Variants in RPRD1A observed in about 807,000 individuals in gnomAD.
RPRD1A encodes regulation of nuclear pre-mRNA domain containing 1A.
Under a neutral mutation model 37.8 loss-of-function variants are expected in RPRD1A, and 9 were observed. The observed-to-expected ratio is 0.24, with a 90% confidence interval of 0.14 to 0.42. RPRD1A has a LOEUF of 0.42. RPRD1A is among the 10% of genes least tolerant of loss of function. RPRD1A has a pLI of 1.00. For missense variants in RPRD1A, 255 were observed against 371.0 expected (o/e 0.69, Z 2.57); for synonymous variants, 138 against 139.7 (o/e 0.99, Z 0.08).
intron 1 of RPRD1A, among the ~76,000 whole-genome samples, chr18:36,042,346 G>A (rs1029977833): frequency 6.6e-6 from 1 of 152,184 alleles, no homozygotes; most frequent in African/African-American, 2.4e-5. Context: ...AGCAATGACT[G>A]TCAAATCTAC....
intron 1 of RPRD1A, among the ~76,000 whole-genome samples, chr18:36,057,727 A>G (rs899775337): frequency 3.3e-5 from 5 of 152,266 alleles, no homozygotes; most frequent in African/African-American, 9.6e-5. Flanking sequence ...GCTGTTCTAC[A>G]TAACACCACA....
intron 1 of RPRD1A, among the ~76,000 whole-genome samples, chr18:36,049,651 T>C (rs749072128): frequency 8.0e-4 from 122 of 152,350 alleles, no homozygotes; most frequent in Non-Finnish European, 1.1e-3. Context: ...ATATCCTTTC[T>C]TTTTAAGGCT....
At chr18:36,009,867 T>A (rs1346956142) in intron 6 of RPRD1A, among the ~76,000 whole-genome samples, 1 of 152,204 alleles carries the variant, frequency 6.6e-6, no homozygotes, top group Non-Finnish European at 1.5e-5. Flanking sequence ...GGTGGCTGCC[T>A]AGTGAACAGT....
At chr18:36,012,938 T>C (rs1052246751) in intron 6 of RPRD1A, among the ~76,000 whole-genome samples, 21 of 152,232 alleles carry the variant, frequency 1.4e-4, no homozygotes, top group African/African-American at 2.4e-4. Flanking sequence ...GTGAATATTT[T>C]AGTCATCACT....
intron 1 of RPRD1A, among the ~76,000 whole-genome samples, chr18:36,061,334 G>A (rs536938179): frequency 4.9e-4 from 74 of 152,148 alleles, no homozygotes; most frequent in Non-Finnish European, 7.8e-4. Context: ...TACAGGGTGA[G>A]TAAACATACT....
chr18:36,047,065 TA>T (rs1276738047), intron 1 of RPRD1A, among the ~76,000 whole-genome samples: 1 of 151,328 alleles, frequency 6.6e-6, no homozygotes, highest in Non-Finnish European at 1.5e-5. Context: ...AAATAAAAAT[TA>T]AAAAATTAGA....
intron 1 of RPRD1A, chr18:36,064,243 G>A (rs2088973530): frequency 6.6e-6 from 1 of 152,526 alleles, no homozygotes; most frequent in Non-Finnish European, 1.5e-5. Flanking sequence ...TCAGGGAGGT[G>A]TAGAGAGAGA....
chr18:36,028,784 T>C (rs1911558112), intron 4 of RPRD1A, among the ~76,000 whole-genome samples: 1 of 152,152 alleles, frequency 6.6e-6, no homozygotes. Context: ...ACCACAAAGC[T>C]GAACCATTGA....
chr18:35,995,609 T>C (rs1909002626), intron 6 of RPRD1A, among the ~76,000 whole-genome samples: 1 of 152,158 alleles, frequency 6.6e-6, no homozygotes, highest in Non-Finnish European at 1.5e-5. Context: ...AACAAATTCA[T>C]TGTAATTTGA....
rs752191384 is a variant in RPRD1A, at chr18:36,027,200, T to C, written c.597A>G (p.Leu199=). Reference sequence around the variant, plus strand: ...TTTTCTTACCTGTTATTTTATCTAATAGAGATACTTCTTGGACTTCAACAG... The same window carrying C: ...TTTTCTTACCTGTTATTTTATCTAACAGAGATACTTCTTGGACTTCAACAG... ...SLPVEVQEVS[L]LDKITDKESG... is the part of the protein sequence containing the mutation. Residue 199 remains leucine, a synonymous_variant, in exon 5 of 7, where the codon CTA becomes CTG. Transcript: ENST00000399022. The C allele has an allele frequency of 9.3e-6, 15 of 1,613,918 alleles. No homozygotes were observed. The highest frequency in any genetic ancestry group is 1.7e-5 in the Admixed American group (1 of 60,016).
intron 4 of RPRD1A, 58 bp from the exon 5 acceptor site, chr18:36,027,368 CTT>C: frequency 6.3e-7 from 1 of 1,580,078 alleles, no homozygotes; most frequent in Non-Finnish European, 8.7e-7. Flanking sequence ...GTGCAAAAGA[CTT>C]TAATTTCATA....
At chr18:36,051,174 T>G (rs544712949) in intron 1 of RPRD1A, among the ~76,000 whole-genome samples, 1 of 152,294 alleles carries the variant, frequency 6.6e-6, no homozygotes, top group South Asian at 2.1e-4. Context: ...AATGATTAGG[T>G]GCTACTGGTT....
rs377052496 is a variant in RPRD1A at position 36,015,633 on chromosome 18, C to T, written c.789+11267G>A. Among the ~76,000 whole-genome samples, 40 of 152,266 alleles carry T rather than the reference C, an allele frequency of 2.6e-4. 1 individual carries two copies. The South Asian group carries it at 8.3e-3, about 32-fold the overall frequency. ...TGTATACATTCAATGGATTACTATTCGGCCTTAAAAAGGAAGGAAATTCTG... is the reference window on the plus strand; with the variant it reads ...TGTATACATTCAATGGATTACTATTTGGCCTTAAAAAGGAAGGAAATTCTG... On this transcript the variant is annotated intron_variant, in intron 6 of 6. Transcript: ENST00000399022.
rs1286909016 is a variant in RPRD1A, at chr18:36,053,727, G to A, written c.151+13527C>T. ...ATATAGTAATTCTATGTTAACATGA[G>A]TAAGGAGGACAGCTAGTAGGTAAAT... On this transcript the variant is annotated intron_variant, in intron 1 of 6. Transcript: ENST00000399022. Among the ~76,000 whole-genome samples, 9 of 151,300 alleles carry A rather than the reference G, an allele frequency of 5.9e-5. 1 individual carries two copies. The highest frequency in any genetic ancestry group is 1.3e-4 in the Non-Finnish European group (9 of 68,026).
At chr18:36,043,467 A>G (rs1912740900) in intron 1 of RPRD1A, among the ~76,000 whole-genome samples, 1 of 152,158 alleles carries the variant, frequency 6.6e-6, no homozygotes, top group Non-Finnish European at 1.5e-5. Context: ...GGAAATGCAA[A>G]TTCCTGAGAA....
At chr18:36,047,208 G>A (rs941360535) in intron 1 of RPRD1A, among the ~76,000 whole-genome samples, 14 of 150,000 alleles carry the variant, frequency 9.3e-5, no homozygotes, top group East Asian at 3.9e-4. Context: ...ACCCTGTCTC[G>A]AAATAAATAA....
At chr18:36,040,772 A>G in intron 1 of RPRD1A, 1 of 1,290,744 alleles carries the variant, frequency 7.7e-7, no homozygotes, top group East Asian at 2.6e-5. Context: ...GGCAAGTGGT[A>G]CTTACATAGA....
At chr18:35,993,510 G>A (rs983469706) in intron 6 of RPRD1A, among the ~76,000 whole-genome samples, 1 of 152,230 alleles carries the variant, frequency 6.6e-6, no homozygotes, top group African/African-American at 2.4e-5. Flanking sequence ...ATCTTTAGCT[G>A]TTGCTTCACA....
Position 35,992,295 on chromosome 18 carries a change from G to A in RPRD1A, c.*856C>T, listed in dbSNP as rs1190685105. ...GGGAATAATAAAAGTATCATTTCACGTGTCTTTTAATCCCATAGACGGCTT... is the reference window on the plus strand; with the variant it reads ...GGGAATAATAAAAGTATCATTTCACATGTCTTTTAATCCCATAGACGGCTT... On this transcript the variant is annotated 3_prime_UTR_variant, in exon 7 of 7. Transcript: ENST00000399022. 4 of 152,394 alleles carry A rather than the reference G, an allele frequency of 2.6e-5. No homozygotes were observed. The highest frequency in any genetic ancestry group is 4.8e-5 in the African/African-American group (2 of 41,410). 9.4% of individuals were successfully genotyped at this position (152,394 alleles called of 1,614,324 possible).
Sources: gnomAD v4.1 joint callset for allele counts (sites outside exome capture counted in the v4.1 genomes callset) on GRCh38, gnomAD v4.1.1 for gene constraint, MANE v1.5 for transcripts, NCBI Gene and HGNC (gene_info 2026-07-23, HGNC 2026-07-21) for gene names.